Variants in NUB1 observed in about 807,000 individuals in gnomAD.
The protein encoded by NUB1 is negative regulator of ubiquitin like proteins 1.
In NUB1, 41 loss-of-function variants were observed where a neutral mutation model predicts 77.1. The observed-to-expected ratio is 0.53, with a 90% CI of 0.41 to 0.69. The LOEUF (loss-of-function observed/expected upper bound fraction) is 0.69, where lower values mean the gene tolerates loss of function less well. Ranked by LOEUF, NUB1 falls within the 30% of genes least tolerant of loss-of-function variation. The probability of loss-of-function intolerance (pLI) is 0.00; values close to 1 mark genes in which losing one functional copy is unlikely to be tolerated. For missense variants in NUB1, 643 were observed against 743.8 expected (o/e 0.86, Z 1.58); for synonymous variants, 257 against 281.0 (o/e 0.91, Z 0.85).
At chr7:151,348,558 T>G (rs1261542552) in intron 2 of NUB1, among the ~76,000 whole-genome samples, 3 of 131,064 alleles carry the variant, frequency 2.3e-5, no homozygotes, top group African/African-American at 8.4e-5. Flanking sequence ...GTTTTTGTTT[T>G]TTGCTTTTTG....
intron 1 of NUB1, among the ~76,000 whole-genome samples, chr7:151,342,965 C>A (rs554362619): frequency 6.6e-6 from 1 of 152,266 alleles, no homozygotes; most frequent in South Asian, 2.1e-4. Flanking sequence ...TGAGCCACCG[C>A]GCCCGGCCTT....
At chr7:151,367,795 A>T in intron 9 of NUB1, 66 bp from the exon 10 acceptor site, 1 of 983,836 alleles carries the variant, frequency 1.0e-6, no homozygotes, top group South Asian at 1.5e-5. Flanking sequence ...AATGACAGAG[A>T]TGAGTATTAT....
chr7:151,358,330 G>A (rs903303717), intron 7 of NUB1, among the ~76,000 whole-genome samples: 1 of 152,146 alleles, frequency 6.6e-6, no homozygotes, highest in Non-Finnish European at 1.5e-5. Context: ...ATTGAATGAC[G>A]ACATCCAGAT....
intron 3 of NUB1, chr7:151,351,163 T>TA: frequency 2.3e-6 from 1 of 425,606 alleles, no homozygotes; most frequent in South Asian, 2.9e-5. Context: ...TCTGAAATGT[T>TA]AAAGACGTCC....
rs769468400 is a variant in NUB1, at chr7:151,377,259, A to C, written c.*34A>C. 7.2e-7 allele frequency: 1 copy of C among 1,380,364 alleles called. No individual in the cohort carries two copies. Among genetic ancestry groups the C allele is most frequent in the South Asian group, 1.4e-5 (1 of 69,846 alleles). 85.5% of individuals were successfully genotyped at this position (1,380,364 alleles called of 1,614,324 possible). ...CAGAAATAGCGCTAATTTTCTGCTT[A>C]TAAATGCTATCATTATGAAAAGGCT... On this transcript the variant is annotated 3_prime_UTR_variant, in exon 15 of 15. Transcript: ENST00000568733.
rs183868646 is a variant in NUB1, at chr7:151,375,434, G to A, written c.1396-414G>A. Among the ~76,000 whole-genome samples, 189 of 152,274 alleles carry A rather than the reference G, an allele frequency of 1.2e-3. 1 individual carries two copies. The highest frequency in any genetic ancestry group is 2.3e-3 in the Non-Finnish European group (154 of 68,026). ...AGGGTCTTTGAAGATTAAGTATTGT[G>A]TGATGAAGAAATCAAGGGTCAAAAT... On this transcript the variant is annotated intron_variant, in intron 12 of 14. Transcript: ENST00000568733.
At chr7:151,342,966 G>A (rs1019475149) in intron 1 of NUB1, among the ~76,000 whole-genome samples, 11 of 152,224 alleles carry the variant, frequency 7.2e-5, no homozygotes, top group Admixed American at 3.9e-4. Context: ...GAGCCACCGC[G>A]CCCGGCCTTG....
intron 1 of NUB1, among the ~76,000 whole-genome samples, chr7:151,342,533 TC>T (rs1359184709): frequency 6.6e-6 from 1 of 152,196 alleles, no homozygotes; most frequent in Non-Finnish European, 1.5e-5. Context: ...TTTCGTCTTT[TC>T]TTAGTTACAA....
At chr7:151,348,943 TGTG>T (rs1284677288) in intron 2 of NUB1, 127 bp from the exon 3 acceptor site, 1 of 726,122 alleles carries the variant, frequency 1.4e-6, no homozygotes, top group Admixed American at 2.9e-5. Flanking sequence ...CAAACCACAG[TGTG>T]GACTGCAGTG....
rs1211968621 is a variant in NUB1, at chr7:151,377,730, TCTTC to T, written c.*511_*514del. On this transcript the variant is annotated 3_prime_UTR_variant, in exon 15 of 15. Transcript: ENST00000568733. ...CCCGCCCCTCAAATCGTCCTTTAAG[TCTTC>T]CTTCCAAGTGCTGTGGGGCATAACG... The T allele has an allele frequency of 6.6e-6, 1 of 152,350 alleles. No homozygotes were observed. Among genetic ancestry groups the T allele is most frequent in the Non-Finnish European group, 1.5e-5 (1 of 68,160 alleles). 9.4% of individuals were successfully genotyped at this position (152,350 alleles called of 1,614,324 possible). A position where few individuals can be genotyped will look rare whatever the true frequency, so the allele number is the denominator to read the frequency against.
rs773431480 is a variant in NUB1, at chr7:151,366,940, G to A, written c.802G>A (p.Glu268Lys). Residue 268 changes from glutamate to lysine, a missense_variant and splice_region_variant, in exon 9 of 15, where the codon GAG becomes AAG. Coordinates refer to ENST00000568733, the MANE Select transcript of NUB1 (RefSeq NM_001243351.2). Reference protein sequence around the residue: ...CLLDADKYFCECCRELLDTVD... With the variant: ...CLLDADKYFCKCCRELLDTVD... ...ATGTCACTGTCCTTCTCTTTCCAGT[G>A]AGTGTTGCAGAGAGCTGCTGGACAC... is the stretch of plus-strand genomic sequence containing the variant. The A allele has an allele frequency of 6.3e-7, 1 of 1,585,966 alleles. No individual in the cohort carries two copies. The highest frequency in any genetic ancestry group is 8.6e-7 in the Non-Finnish European group (1 of 1,165,882).
chr7:151,374,975 A>G (rs1798143554), intron 12 of NUB1, among the ~76,000 whole-genome samples: 1 of 136,190 alleles, frequency 7.3e-6, no homozygotes, highest in African/African-American at 2.7e-5. Context: ...GCGGGCAGGA[A>G]GCAGAGTGGT....
chr7:151,352,097 G>C (rs1479448787), intron 4 of NUB1: 2 of 456,686 alleles, frequency 4.4e-6, no homozygotes, highest in Non-Finnish European at 8.8e-6. Flanking sequence ...CATCAGGGCT[G>C]TCAGGGGTGG....
intron 8 of NUB1, among the ~76,000 whole-genome samples, chr7:151,363,887 G>A (rs1797506030): frequency 1.3e-5 from 2 of 151,822 alleles, no homozygotes; most frequent in African/African-American, 4.8e-5. Flanking sequence ...TCTGCCTCCT[G>A]GGTTCAAGCG....
At chr7:151,376,550 AGTCGGCT>A in intron 13 of NUB1, 77 bp from the exon 14 acceptor site, 3 of 1,305,522 alleles carry the variant, frequency 2.3e-6, no homozygotes, top group Non-Finnish European at 3.1e-6. Context: ...TAAACATGAG[AGTCGGCT>A]GTCCACTCGT....
In NUB1 at chr7:151,360,616, C is replaced by A. The variant is rs138749362; in HGVS notation, c.800+369C>A. 81 of 159,228 alleles carry A rather than the reference C, an allele frequency of 5.1e-4. No homozygotes were observed. In the East Asian group the frequency reaches 0.013, roughly 26 times the overall value. The allele number at this position is 159,228 out of a possible 1,614,324, so 9.9% of individuals were successfully genotyped here. On this transcript the variant is annotated intron_variant, in intron 8 of 14. Transcript: ENST00000568733. ...AGAGCTGTATAATGGTGATATTATTCCTTCTGTACTTATTTTTTTTGAGAC... is the reference window on the plus strand; with the variant it reads ...AGAGCTGTATAATGGTGATATTATTACTTCTGTACTTATTTTTTTTGAGAC...
intron 4 of NUB1, chr7:151,352,205 T>C (rs1184086556): frequency 2.2e-6 from 1 of 456,052 alleles, no homozygotes; most frequent in East Asian, 7.0e-5. Flanking sequence ...TATAGGTAGA[T>C]TTTCTCCGGA....
At chr7:151,365,707 G>A (rs551286272) in intron 8 of NUB1, among the ~76,000 whole-genome samples, 10 of 152,310 alleles carry the variant, frequency 6.6e-5, no homozygotes, top group East Asian at 5.8e-4. Flanking sequence ...GCGTGCACAC[G>A]TGTGTAAAAC....
At chr7:151,346,501 A>T (rs532678499) in intron 2 of NUB1, among the ~76,000 whole-genome samples, 1 of 152,214 alleles carries the variant, frequency 6.6e-6, no homozygotes, top group Non-Finnish European at 1.5e-5. Context: ...GACACTTGAA[A>T]CTTTCCACCC....
Sources: gnomAD v4.1 joint callset for allele counts (sites outside exome capture counted in the v4.1 genomes callset) on GRCh38, gnomAD v4.1.1 for gene constraint, MANE v1.5 for transcripts, NCBI Gene and HGNC (gene_info 2026-07-23, HGNC 2026-07-21) for gene names.